ATF7IP: variants seen among roughly 807,000 people sequenced by gnomAD.
ATF7IP encodes the protein activating transcription factor 7-interacting protein 1.
ATF7IP carries 23 observed loss-of-function variants against 106.4 expected under a neutral mutation model. The observed-to-expected ratio is 0.22, with a 90% CI of 0.16 to 0.31. The LOEUF (loss-of-function observed/expected upper bound fraction) is 0.31, where lower values mean the gene tolerates loss of function less well. ATF7IP is among the 10% of genes least tolerant of loss of function. The pLI is 1.00. For synonymous variants in ATF7IP, 542 were observed against 539.0 expected (o/e 1.01, Z -0.08); for missense variants, 1,334 against 1,524.3 (o/e 0.88, Z 2.08).
chr12:14,411,972 A>C (rs1001194845), intron 1 of ATF7IP, among the ~76,000 whole-genome samples: 1 of 152,184 alleles, frequency 6.6e-6, no homozygotes, highest in Non-Finnish European at 1.5e-5. Flanking sequence ...TAAGGCAAGA[A>C]ATAGGACTCC....
rs769543280 is a variant in ATF7IP at position 14,436,145 on chromosome 12, T to C, written c.1685T>C (p.Met562Thr). 3 of 1,613,474 alleles carry C rather than the reference T, an allele frequency of 1.9e-6. No individual in the cohort carries two copies. The highest frequency in any genetic ancestry group is 2.2e-5 in the South Asian group (2 of 91,028). The change falls in exon 4 of 15, where the codon ATG becomes ACG. Residue 562 changes from methionine (M) to threonine (T), a missense_variant. By Grantham distance (81) the Met-to-Thr change is moderately conservative. Around this residue, in one of 10 missense-constraint regions of ATF7IP, gnomAD observed 119 missense variants for 117.8 expected, o/e 1.01. Transcript: ENST00000261168. ...CGAAAACGTTCTAAATCAGAAGACA[T>C]GGACAATGTACAGTCTAAACGTCGT... ...SRRKRSKSED[M>T]DNVQSKRRRY... is the part of the protein sequence containing the mutation.
chr12:14,491,170 G>A (rs1217723884), intron 13 of ATF7IP, among the ~76,000 whole-genome samples: 1 of 152,118 alleles, frequency 6.6e-6, no homozygotes, highest in African/African-American at 2.4e-5. Context: ...CAGTAGCACG[G>A]ACCTGCTGCA....
At chr12:14,384,640 A>G (rs976426172) in intron 1 of ATF7IP, among the ~76,000 whole-genome samples, 3 of 152,154 alleles carry the variant, frequency 2.0e-5, no homozygotes, top group Admixed American at 6.5e-5. Context: ...AAATTACTCA[A>G]TAAGCTTTTT....
chr12:14,369,106 C>T (rs563602381), intron 1 of ATF7IP: 10 of 142,518 alleles, frequency 7.0e-5, no homozygotes, highest in Non-Finnish European at 1.1e-4. Context: ...TATCACACCC[C>T]GCTAATTTTT....
chr12:14,389,848 TC>T (rs1230217960), intron 1 of ATF7IP, among the ~76,000 whole-genome samples: 2 of 152,198 alleles, frequency 1.3e-5, no homozygotes. Context: ...GGTCTTGAAC[TC>T]CTGACCTTAG....
intron 2 of ATF7IP, 124 bp downstream of exon 2, chr12:14,425,597 A>G (rs192005568): frequency 3.2e-6 from 3 of 942,002 alleles, no homozygotes; most frequent in African/African-American, 3.3e-5. Flanking sequence ...TGATGACTCT[A>G]TAGAAAGATG....
At chr12:14,456,968 A>C (rs1412024473) in intron 7 of ATF7IP, among the ~76,000 whole-genome samples, 6 of 152,236 alleles carry the variant, frequency 3.9e-5, no homozygotes, top group Non-Finnish European at 8.8e-5. Context: ...ATTCAGGTTA[A>C]GTACTGATAA....
At chr12:14,369,538 G>C (rs117802168) in intron 1 of ATF7IP, among the ~76,000 whole-genome samples, 81 of 152,056 alleles carry the variant, frequency 5.3e-4, no homozygotes, top group African/African-American at 1.7e-3. Context: ...GGGTTTCCCC[G>C]TGTTGGCCAG....
chr12:14,460,375 A>G, intron 8 of ATF7IP, 120 bp from the exon 9 acceptor site: 1 of 994,578 alleles, frequency 1.0e-6, no homozygotes. Flanking sequence ...ATTTCATGAT[A>G]AAAGACTTTA....
chr12:14,458,688 TG>T (rs1038802480), intron 8 of ATF7IP, among the ~76,000 whole-genome samples: 172 of 152,198 alleles, frequency 1.1e-3, no homozygotes, highest in African/African-American at 4.0e-3. Flanking sequence ...CCAGACATGG[TG>T]GTGCACAACT....
At position 14,438,260 on chromosome 12, in the gene ATF7IP, A is replaced by G; in HGVS notation, c.1922A>G (p.Glu641Gly). 7 of 1,612,200 alleles carry G rather than the reference A, an allele frequency of 4.3e-6. No homozygotes were observed. The highest frequency in any genetic ancestry group is 5.9e-6 in the Non-Finnish European group (7 of 1,179,598). ...CNKRHKTVLT[E>G]LQAKIARLTK... ...AAGAGGCATAAAACAGTTCTCACTG[A>G]ACTACAGGTTTGTACATTGACTTGA... The change falls in exon 5 of 15, where the codon GAA becomes GGA. Residue 641 changes from glutamate to glycine, a missense_variant. By Grantham distance (98) the Glu-to-Gly change is moderately conservative. Transcript: ENST00000261168.
intron 1 of ATF7IP, among the ~76,000 whole-genome samples, chr12:14,405,141 G>A (rs1940487922): frequency 6.6e-6 from 1 of 151,940 alleles, no homozygotes; most frequent in African/African-American, 2.4e-5. Context: ...TGGAGGTGCT[G>A]GTTCATTCTT....
Position 14,434,381 on chromosome 12 carries a change from G to C in ATF7IP, c.1603G>C (p.Glu535Gln). 6.3e-7 allele frequency: 1 copy of C among 1,595,046 alleles called. No individual in the cohort carries two copies. The change falls in exon 3 of 15, where the codon GAG (glutamate) becomes CAG (glutamine). Residue 535 changes from glutamate to glutamine, a missense_variant. Physicochemically the swap from Glu to Gln is conservative, Grantham distance 29. This residue lies in a region of ATF7IP where 119 missense variants were observed against 117.8 expected (regional missense o/e 1.01). Transcript: ENST00000261168. ...AAAGGACAACAAACCTGAGGAAGAAGAGCAAGTAATACATGAAGATGATGA... is the reference window on the plus strand; with the variant it reads ...AAAGGACAACAAACCTGAGGAAGAACAGCAAGTAATACATGAAGATGATGA... ...NEKDNKPEEE[E>Q]QVIHEDDERP...
At chr12:14,473,359 G>A (rs1389430626) in intron 10 of ATF7IP, among the ~76,000 whole-genome samples, 1 of 149,752 alleles carries the variant, frequency 6.7e-6, no homozygotes, top group African/African-American at 2.5e-5. Context: ...TTTACAGTAT[G>A]TATCTAATCT....
intron 5 of ATF7IP, among the ~76,000 whole-genome samples, chr12:14,443,848 T>C (rs1323444905): frequency 1.3e-5 from 2 of 152,174 alleles, no homozygotes; most frequent in African/African-American, 4.8e-5. Context: ...CAATATATTC[T>C]AATAGTTTTC....
At chr12:14,434,490 C>T (rs948388659) in intron 3 of ATF7IP, 67 bp downstream of exon 3, 4 of 1,026,632 alleles carry the variant, frequency 3.9e-6, no homozygotes, top group Non-Finnish European at 5.9e-6. Context: ...ATATTTACAA[C>T]CGTGTAATAT....
At chr12:14,390,043 G>GAT (rs1401023671) in intron 1 of ATF7IP, among the ~76,000 whole-genome samples, 2 of 152,220 alleles carry the variant, frequency 1.3e-5, no homozygotes, top group Non-Finnish European at 2.9e-5. Flanking sequence ...ATTGAGTATA[G>GAT]ATGCTGTCTC....
chr12:14,461,516 T>A (rs1179424775), intron 9 of ATF7IP, among the ~76,000 whole-genome samples: 1 of 152,190 alleles, frequency 6.6e-6, no homozygotes. Context: ...AAAGACACGT[T>A]TATGTTCCTT....
At chr12:14,440,746 G>A (rs1015707311) in intron 5 of ATF7IP, among the ~76,000 whole-genome samples, 4 of 152,120 alleles carry the variant, frequency 2.6e-5, no homozygotes, top group East Asian at 1.9e-4. Flanking sequence ...AAAAAGAAAC[G>A]TTTTGCCCAT....
Sources: gnomAD v4.1 joint callset for allele counts (sites outside exome capture counted in the v4.1 genomes callset) on GRCh38, gnomAD v4.1.1 for gene constraint, gnomAD v4.1.1 regional missense constraint, MANE v1.5 for transcripts, NCBI Gene and HGNC (gene_info 2026-07-23, HGNC 2026-07-21) for gene names.